GDAP1: variants seen among roughly 807,000 people sequenced by gnomAD.
GDAP1 encodes ganglioside-induced differentiation-associated protein 1.
In GDAP1, 34 loss-of-function variants were observed where a neutral mutation model predicts 40.1. The observed-to-expected ratio is 0.85, with a 90% CI of 0.64 to 1.13. The LOEUF (loss-of-function observed/expected upper bound fraction) is 1.13. Among genes scored for constraint, GDAP1 ranks in the 50% most tolerant of loss-of-function variants. GDAP1 has a pLI of 0.00. For missense variants in GDAP1, 374 were observed against 433.7 expected, an observed-to-expected ratio of 0.86 and a Z score of 1.22; for synonymous variants, 170 against 157.4, an observed-to-expected ratio of 1.08 and a Z score of -0.60.
At chr8:74,443,356 G>A (rs1806185079) in intron 2 of GDAP1, among the ~76,000 whole-genome samples, 1 of 152,168 alleles carries the variant, frequency 6.6e-6, no homozygotes, top group South Asian at 2.1e-4. Context: ...GTCATTTCTT[G>A]AAATTAGTTC....
At chr8:74,431,960 A>G (rs1410648087) in intron 2 of GDAP1, among the ~76,000 whole-genome samples, 4 of 152,154 alleles carry the variant, frequency 2.6e-5, no homozygotes, top group Non-Finnish European at 5.9e-5. Flanking sequence ...AGGATTCTTG[A>G]GGCAGTTAAA....
rs551722148 is a variant in GDAP1 at position 74,429,134 on chromosome 8, T to A, written c.166-59544T>A. On this transcript the variant is annotated intron_variant, in intron 2 of 2. Transcript: ENST00000523640. Reference sequence around the variant, plus strand: ...TATCATTGTTGGACATTTGGGTTGGTTCCAAGTCTTTGCTATTGTGAATAG... The same window carrying A: ...TATCATTGTTGGACATTTGGGTTGGATCCAAGTCTTTGCTATTGTGAATAG... 4.5e-4 allele frequency among the ~76,000 whole-genome samples: 68 copies of A among 152,192 alleles called. 1 individual carries two copies. The South Asian group carries it at 0.014, about 31-fold the overall frequency.
At chr8:74,461,751 A>G (rs1806404663) in intron 2 of GDAP1, among the ~76,000 whole-genome samples, 1 of 152,224 alleles carries the variant, frequency 6.6e-6, no homozygotes, top group Non-Finnish European at 1.5e-5. Context: ...CCCAAAGCTA[A>G]TGGTGTCAAA....
At chr8:74,482,152 A>G (rs1033965815) in intron 2 of GDAP1, among the ~76,000 whole-genome samples, 2 of 151,542 alleles carry the variant, frequency 1.3e-5, no homozygotes, top group African/African-American at 4.9e-5. Context: ...TCCAGGATCA[A>G]GTAGCTTAAT....
intron 2 of GDAP1, among the ~76,000 whole-genome samples, chr8:74,389,881 T>C (rs1336007541): frequency 2.0e-5 from 3 of 152,228 alleles, no homozygotes; most frequent in Admixed American, 2.0e-4. Flanking sequence ...TTCCTTTTTA[T>C]TCTTTTTTCT....
Position 74,365,380 on chromosome 8 carries a change from G to A in GDAP1, c.*1013G>A. On this transcript the variant is annotated 3_prime_UTR_variant, in exon 6 of 6. Coordinates refer to ENST00000220822, the MANE Select transcript of GDAP1 (RefSeq NM_018972.4). ...AATGGGTAGATAGTGATGCATACCTGTATTCACTGATGTATGTTTAAGGGA... is the reference window on the plus strand; with the variant it reads ...AATGGGTAGATAGTGATGCATACCTATATTCACTGATGTATGTTTAAGGGA... The A allele has an allele frequency of 2.2e-6, 1 of 453,892 alleles. No homozygotes were observed. Among genetic ancestry groups the A allele is most frequent in the South Asian group, 1.6e-5 (1 of 64,468 alleles). 28.1% of individuals were successfully genotyped at this position (453,892 alleles called of 1,614,324 possible).
At chr8:74,482,023 G>A (rs984532217) in intron 2 of GDAP1, among the ~76,000 whole-genome samples, 1 of 151,564 alleles carries the variant, frequency 6.6e-6, no homozygotes, top group African/African-American at 2.4e-5. Context: ...GGTATGAGGT[G>A]GAATGGGGAT....
Position 74,451,998 on chromosome 8 carries a change from G to A in GDAP1, c.166-36680G>A, listed in dbSNP as rs1806299258. Among the ~76,000 whole-genome samples the A allele has an allele frequency of 2.5e-5, 2 of 78,888 alleles. 1 individual carries two copies. Among genetic ancestry groups the A allele is most frequent in the Admixed American group, 2.6e-4 (2 of 7,582 alleles). 51.8% of individuals were successfully genotyped at this position (78,888 alleles called of 152,430 possible). ...GGAGTCTTGCTCTGTCGCCCAGGCT[G>A]GAGTGCAGTGGCGCGATCTCGGCTC... On this transcript the variant is annotated intron_variant, in intron 2 of 2. Coordinates refer to the GDAP1 transcript ENST00000523640.
At chr8:74,416,338 A>G (rs879868175) in intron 2 of GDAP1, among the ~76,000 whole-genome samples, 15 of 150,090 alleles carry the variant, frequency 1.0e-4, no homozygotes, top group Non-Finnish European at 1.9e-4. Context: ...CCTGGGTAAC[A>G]TGAGGCATGC....
intron 2 of GDAP1, among the ~76,000 whole-genome samples, chr8:74,372,422 C>CGGATACATAGGTATGGTCTG: frequency 6.6e-6 from 1 of 152,186 alleles, no homozygotes; most frequent in East Asian, 1.9e-4. Context: ...ACATCCTCTC[C>CGGATACATAGGTATGGTCTG]AGCACCTGTT....
At chr8:74,357,322 A>G (rs1400358407) in intron 2 of GDAP1, among the ~76,000 whole-genome samples, 2 of 152,102 alleles carry the variant, frequency 1.3e-5, no homozygotes, top group African/African-American at 4.8e-5. Context: ...AAAATAATGA[A>G]AACTTATGCC....
chr8:74,377,598 G>A (rs542083811), intron 2 of GDAP1, among the ~76,000 whole-genome samples: 4 of 152,150 alleles, frequency 2.6e-5, no homozygotes, highest in Admixed American at 6.5e-5. Context: ...CTACTAGACT[G>A]GGTAAAATTT....
At chr8:74,424,541 C>G (rs995498624) in intron 2 of GDAP1, among the ~76,000 whole-genome samples, 1 of 152,198 alleles carries the variant, frequency 6.6e-6, no homozygotes, top group Non-Finnish European at 1.5e-5. Context: ...TGCTTCTGCT[C>G]TTCACTATGG....
chr8:74,388,965 G>C (rs889156388), intron 2 of GDAP1, among the ~76,000 whole-genome samples: 1 of 152,030 alleles, frequency 6.6e-6, no homozygotes, highest in African/African-American at 2.4e-5. Flanking sequence ...ATCTTTGTTG[G>C]TTTAAAGTCT....
chr8:74,370,800 C>A (rs1013686425), downstream of GDAP1, among the ~76,000 whole-genome samples: 1 of 152,012 alleles, frequency 6.6e-6, no homozygotes, highest in African/African-American at 2.4e-5. Flanking sequence ...AGCGATATAC[C>A]AGGTATACAT....
At chr8:74,473,167 G>A (rs1806581861) in intron 2 of GDAP1, among the ~76,000 whole-genome samples, 1 of 151,012 alleles carries the variant, frequency 6.6e-6, no homozygotes, top group South Asian at 2.1e-4. Context: ...CTAAATTTGT[G>A]TAAGTTCTTG....
intron 2 of GDAP1, among the ~76,000 whole-genome samples, chr8:74,385,994 ATCTG>A (rs1412233228): frequency 6.6e-6 from 1 of 152,028 alleles, no homozygotes; most frequent in Non-Finnish European, 1.5e-5. Context: ...TTCTTTTGAG[ATCTG>A]TCTGTTTCAT....
intron 2 of GDAP1, among the ~76,000 whole-genome samples, chr8:74,431,551 C>T (rs533195283): frequency 2.6e-5 from 4 of 151,938 alleles, no homozygotes; most frequent in African/African-American, 4.8e-5. Flanking sequence ...GCTGGATCTC[C>T]GCTCACTGCA....
At chr8:74,363,156 T>TTG in intron 5 of GDAP1, 103 bp downstream of exon 5, 1 of 704,388 alleles carries the variant, frequency 1.4e-6, no homozygotes, top group African/African-American at 1.8e-5. Flanking sequence ...CTTTTCATTG[T>TTG]TGTTATTCAC....
Sources: allele counts gnomAD v4.1 joint callset (sites outside exome capture counted in the v4.1 genomes callset), GRCh38; gene constraint gnomAD v4.1.1; transcripts MANE v1.5; gene names NCBI Gene and HGNC (gene_info 2026-07-23, HGNC 2026-07-21).